The following KDM1A variants were observed in gnomAD, a reference collection of about 807,000 sequenced individuals.
KDM1A encodes the protein lysine demethylase 1A.
A neutral mutation model predicts 109.4 loss-of-function variants in KDM1A; 49 were observed. That is an observed-to-expected ratio of 0.45 (90% CI 0.36 to 0.57). The LOEUF is 0.57. KDM1A is among the 20% of genes least tolerant of loss of function. The pLI, the probability that KDM1A is intolerant of heterozygous loss-of-function variation, is 0.00. For synonymous variants in KDM1A, 380 were observed against 415.4 expected, an observed-to-expected ratio of 0.91 and a Z score of 1.04; for missense variants, 668 against 1,116.6, an observed-to-expected ratio of 0.60 and a Z score of 5.73.
chr1:23,057,425 A>C, intron 7 of KDM1A, 59 bp from the exon 8 acceptor site: 2 of 1,261,764 alleles, frequency 1.6e-6, no homozygotes, highest in Non-Finnish European at 2.3e-6. Flanking sequence ...GTATGGTACT[A>C]TGCCAGGTTT....
At chr1:23,072,746 A>G (rs1643356285) in intron 14 of KDM1A, among the ~76,000 whole-genome samples, 1 of 152,156 alleles carries the variant, frequency 6.6e-6, no homozygotes, top group African/African-American at 2.4e-5. Flanking sequence ...CCTGGGTTCA[A>G]GCAATTCTCT....
At chr1:23,036,145 C>T (rs1183523822) in intron 2 of KDM1A, among the ~76,000 whole-genome samples, 1 of 152,024 alleles carries the variant, frequency 6.6e-6, no homozygotes, top group Non-Finnish European at 1.5e-5. Context: ...TCTGATTTCT[C>T]TCTCCATGCC....
intron 1 of KDM1A, among the ~76,000 whole-genome samples, chr1:23,028,700 C>CT (rs1010724193): frequency 6.0e-5 from 9 of 150,096 alleles, no homozygotes; most frequent in African/African-American, 1.5e-4. Context: ...CCCTTTGAAA[C>CT]TTTTTTTTTT....
chr1:23,042,692 T>G (rs921507351), intron 2 of KDM1A, among the ~76,000 whole-genome samples: 1 of 151,432 alleles, frequency 6.6e-6, no homozygotes, highest in African/African-American at 2.4e-5. Flanking sequence ...GACCTCGTGA[T>G]CCGCCCGCCT....
At chr1:23,048,242 T>G (rs2124443541) in intron 3 of KDM1A, among the ~76,000 whole-genome samples, 1 of 152,244 alleles carries the variant, frequency 6.6e-6, no homozygotes, top group Non-Finnish European at 1.5e-5. Context: ...TTAGTCTTGG[T>G]GGTTTTGTTT....
chr1:23,041,293 T>G (rs1642323217), intron 2 of KDM1A, among the ~76,000 whole-genome samples: 1 of 152,142 alleles, frequency 6.6e-6, no homozygotes, highest in South Asian at 2.1e-4. Flanking sequence ...AGTTAAACCA[T>G]TATCAAGAGA....
chr1:23,019,638 T>TGCAGCG lies in KDM1A; in HGVS notation c.48_53dup (p.Ala17_Ala18dup). The TGCAGCG allele has an allele frequency of 3.5e-6, 5 of 1,414,678 alleles. No homozygotes were observed. The highest frequency in any genetic ancestry group is 2.6e-4 in the Middle Eastern group (1 of 3,884). The allele number at this position is 1,414,678 out of a possible 1,614,324, so 87.6% of individuals were successfully genotyped here. A position where few individuals can be genotyped will look rare whatever the true frequency, so the allele number is the denominator to read the frequency against. The stretch of plus-strand genomic sequence containing the variant: ...AGGCGGCAGCCGCGGCGGCGGCGGC[T>TGCAGCG]GCAGCGGCAGCAACCGGGACGGAGG... On this transcript the variant is annotated inframe_insertion, in exon 1 of 21. Coordinates refer to ENST00000400181, the MANE Select transcript of KDM1A (RefSeq NM_001009999.3).
intron 15 of KDM1A, among the ~76,000 whole-genome samples, chr1:23,074,812 T>G (rs1438261437): frequency 6.6e-6 from 1 of 152,262 alleles, no homozygotes; most frequent in Non-Finnish European, 1.5e-5. Context: ...TTTCTTCATT[T>G]GTCTTGGCAC....
chr1:23,064,309 TTTC>T (rs1383831881), intron 9 of KDM1A, among the ~76,000 whole-genome samples: 1 of 152,224 alleles, frequency 6.6e-6, no homozygotes, highest in Non-Finnish European at 1.5e-5. Flanking sequence ...CAGAAGTAAA[TTTC>T]TTCTTCTAGG....
chr1:23,026,962 C>T (rs1448929867), intron 1 of KDM1A, among the ~76,000 whole-genome samples: 2 of 151,958 alleles, frequency 1.3e-5, no homozygotes, highest in Non-Finnish European at 2.9e-5. Flanking sequence ...CATTCCTTTT[C>T]TCAGGGGAAT....
At chr1:23,032,608 G>A (rs1197327598) in intron 2 of KDM1A, among the ~76,000 whole-genome samples, 2 of 152,090 alleles carry the variant, frequency 1.3e-5, no homozygotes, top group African/African-American at 4.8e-5. Context: ...TATGAAAATA[G>A]TGATTCTTCC....
intron 9 of KDM1A, among the ~76,000 whole-genome samples, chr1:23,065,646 G>C (rs1323808117): frequency 6.6e-6 from 1 of 152,190 alleles, no homozygotes; most frequent in Non-Finnish European, 1.5e-5. Context: ...GTGTACCGGA[G>C]ATGCAGTCCT....
At chr1:23,029,613 G>A (rs140683139) in intron 1 of KDM1A, among the ~76,000 whole-genome samples, 16 of 152,000 alleles carry the variant, frequency 1.1e-4, no homozygotes, top group Admixed American at 7.9e-4. Flanking sequence ...CCATTTCCAC[G>A]TCACTTATTC....
chr1:23,021,906 T>C (rs1641644045), intron 1 of KDM1A, among the ~76,000 whole-genome samples: 1 of 152,218 alleles, frequency 6.6e-6, no homozygotes, highest in Non-Finnish European at 1.5e-5. Flanking sequence ...ATTTGTCTAT[T>C]CTGAACATTT....
At chr1:23,020,305 T>G (rs1418635665) in intron 1 of KDM1A, 3 of 177,804 alleles carry the variant, frequency 1.7e-5, no homozygotes, top group African/African-American at 2.4e-5. Flanking sequence ...ACCTCACTTG[T>G]TTGTTCACAG....
intron 9 of KDM1A, among the ~76,000 whole-genome samples, chr1:23,063,638 A>G (rs1436427702): frequency 6.6e-6 from 1 of 152,176 alleles, no homozygotes; most frequent in Non-Finnish European, 1.5e-5. Flanking sequence ...ATGGTCCTGA[A>G]GTTGCAAATA....
At chr1:23,078,252 T>G (rs1643522700) in intron 16 of KDM1A, among the ~76,000 whole-genome samples, 1 of 152,198 alleles carries the variant, frequency 6.6e-6, no homozygotes, top group African/African-American at 2.4e-5. Flanking sequence ...ATCTGCAGCC[T>G]TGAGCCTTTT....
chr1:23,070,501 T>C lies in KDM1A; in HGVS notation c.1414-724T>C, dbSNP rs1408665684. ...AAAAAAAAAAAAATTCTTTGACCTT[T>C]TACATATTTAAAAAACACATTATAG... On this transcript the variant is annotated intron_variant, in intron 12 of 20. Coordinates refer to ENST00000400181, the MANE Select transcript of KDM1A (RefSeq NM_001009999.3). 2.0e-5 allele frequency among the ~76,000 whole-genome samples: 3 copies of C among 151,312 alleles called. No individual in the cohort carries two copies. The East Asian group carries it at 5.9e-4, about 30-fold the overall frequency.
chr1:23,078,221 G>GTAGT (rs1339966277), intron 16 of KDM1A, among the ~76,000 whole-genome samples: 1 of 152,182 alleles, frequency 6.6e-6, no homozygotes, highest in African/African-American at 2.4e-5. Context: ...GAGGCAGCTT[G>GTAGT]TAGTTGACAG....
Sources: gnomAD v4.1 joint callset for allele counts (sites outside exome capture counted in the v4.1 genomes callset) on GRCh38, gnomAD v4.1.1 for gene constraint, MANE v1.5 for transcripts, NCBI Gene and HGNC (gene_info 2026-07-23, HGNC 2026-07-21) for gene names.